Variants in IMMP2L observed in about 807,000 individuals in gnomAD.
IMMP2L encodes mitochondrial inner membrane protease subunit 2.
A neutral mutation model predicts 19.3 loss-of-function variants in IMMP2L; 18 were observed. That is an observed-to-expected ratio of 0.93 (90% CI 0.64 to 1.38). The LOEUF (loss-of-function observed/expected upper bound fraction) is 1.38, where lower values mean the gene tolerates loss of function less well. Among genes scored for constraint, IMMP2L ranks in the 40% most tolerant of loss-of-function variants. The probability of loss-of-function intolerance (pLI) is 0.00; values close to 1 mark genes in which losing one functional copy is unlikely to be tolerated. For synonymous variants in IMMP2L, 76 were observed against 73.0 expected (o/e 1.04, Z -0.21); for missense variants, 233 against 218.2 (o/e 1.07, Z -0.43).
intron 5 of IMMP2L, among the ~76,000 whole-genome samples, chr7:110,704,621 TTGTC>T (rs1300752778): frequency 6.6e-6 from 1 of 152,238 alleles, no homozygotes; most frequent in Non-Finnish European, 1.5e-5. Flanking sequence ...ACTGTTAACT[TTGTC>T]TGACCCAGTT....
intron 5 of IMMP2L, among the ~76,000 whole-genome samples, chr7:110,832,535 T>C (rs186877937): frequency 5.3e-5 from 8 of 152,210 alleles, no homozygotes; most frequent in Non-Finnish European, 1.0e-4. Flanking sequence ...CTTCCTAGCT[T>C]TTCTGTAGCT....
At chr7:111,136,125 T>C (rs1802312601) in intron 3 of IMMP2L, among the ~76,000 whole-genome samples, 1 of 151,728 alleles carries the variant, frequency 6.6e-6, no homozygotes, top group Non-Finnish European at 1.5e-5. Context: ...GCCTCCTGGG[T>C]TCATGCAATT....
chr7:111,412,359 T>C (rs554932197), intron 3 of IMMP2L, among the ~76,000 whole-genome samples: 1 of 151,668 alleles, frequency 6.6e-6, no homozygotes, highest in Non-Finnish European at 1.5e-5. Context: ...AGAATACACA[T>C]AATTTGCTAA....
chr7:111,018,286 G>C (rs192075426), intron 3 of IMMP2L, among the ~76,000 whole-genome samples: 14 of 152,154 alleles, frequency 9.2e-5, no homozygotes, highest in African/African-American at 3.4e-4. Context: ...ATAGAACTCA[G>C]TATTAATGGG....
At chr7:111,555,962 T>C (rs1240575573) in intron 1 of IMMP2L, among the ~76,000 whole-genome samples, 1 of 144,914 alleles carries the variant, frequency 6.9e-6, no homozygotes, top group East Asian at 2.1e-4. Context: ...AAATTAAAAA[T>C]AGAACTACCA....
chr7:110,871,461 A>G (rs184583883), intron 5 of IMMP2L, among the ~76,000 whole-genome samples: 2 of 152,280 alleles, frequency 1.3e-5, no homozygotes, highest in African/African-American at 4.8e-5. Flanking sequence ...ATTTGGGTTC[A>G]AGGAAGCTAA....
intron 3 of IMMP2L, among the ~76,000 whole-genome samples, chr7:111,218,999 A>T (rs1812245544): frequency 6.6e-6 from 1 of 152,072 alleles, no homozygotes; most frequent in Non-Finnish European, 1.5e-5. Context: ...ATCAAAATTC[A>T]TCTATGTTGA....
chr7:110,896,250 A>T (rs981372435), intron 4 of IMMP2L, among the ~76,000 whole-genome samples: 1 of 152,162 alleles, frequency 6.6e-6, no homozygotes, highest in Non-Finnish European at 1.5e-5. Context: ...AGAAAAGATA[A>T]CTCCACACTG....
At chr7:111,059,433 T>G (rs1485828186) in intron 3 of IMMP2L, among the ~76,000 whole-genome samples, 1 of 152,162 alleles carries the variant, frequency 6.6e-6, no homozygotes, top group African/African-American at 2.4e-5. Context: ...CTTTTCTGAT[T>G]GTTCTAGGGA....
At chr7:111,010,362 T>C (rs1824809518) in intron 3 of IMMP2L, among the ~76,000 whole-genome samples, 1 of 152,144 alleles carries the variant, frequency 6.6e-6, no homozygotes, top group East Asian at 1.9e-4. Context: ...ATTATTTTCA[T>C]GGAGATAGAT....
chr7:110,821,672 G>T (rs1803042619), intron 5 of IMMP2L, among the ~76,000 whole-genome samples: 2 of 152,032 alleles, frequency 1.3e-5, no homozygotes, highest in African/African-American at 4.8e-5. Flanking sequence ...CAGCACTTTG[G>T]GAGGCCGAGG....
intron 4 of IMMP2L, among the ~76,000 whole-genome samples, chr7:110,926,761 T>C (rs548257475): frequency 6.6e-6 from 1 of 152,290 alleles, no homozygotes; most frequent in South Asian, 2.1e-4. Flanking sequence ...AACATCTCTA[T>C]GAATTTTATC....
At chr7:111,217,126 T>TCACACACACACACA (rs1315821493) in intron 3 of IMMP2L, among the ~76,000 whole-genome samples, 11 of 124,068 alleles carry the variant, frequency 8.9e-5, no homozygotes, top group African/African-American at 3.5e-4. Context: ...TCTCTCTCTC[T>TCACACACACACACA]CACACACACA....
intron 5 of IMMP2L, among the ~76,000 whole-genome samples, chr7:110,777,963 G>A (rs1346697475): frequency 6.6e-6 from 1 of 151,938 alleles, no homozygotes; most frequent in Non-Finnish European, 1.5e-5. Flanking sequence ...ATGGACAGCA[G>A]TGAATTCCTT....
chr7:111,516,039 G>A (rs1288750177), intron 2 of IMMP2L, among the ~76,000 whole-genome samples: 3 of 152,120 alleles, frequency 2.0e-5, no homozygotes, highest in African/African-American at 7.2e-5. Flanking sequence ...TCAAGCCAGA[G>A]TTCCAAAATT....
intron 3 of IMMP2L, among the ~76,000 whole-genome samples, chr7:111,029,757 G>C (rs1325982081): frequency 6.6e-6 from 1 of 152,112 alleles, no homozygotes; most frequent in East Asian, 1.9e-4. Flanking sequence ...TTCCATACCA[G>C]CTATAATTTC....
chr7:111,477,090 C>T (rs1386404747), intron 3 of IMMP2L, among the ~76,000 whole-genome samples: 1 of 152,132 alleles, frequency 6.6e-6, no homozygotes, highest in African/African-American at 2.4e-5. Context: ...ATTGATGCAT[C>T]CTTAAGGAAA....
chr7:110,775,397 T>A (rs1017930478), intron 5 of IMMP2L, among the ~76,000 whole-genome samples: 21 of 151,954 alleles, frequency 1.4e-4, no homozygotes, highest in African/African-American at 4.8e-4. Context: ...ACAGAAAAAT[T>A]CTATTTAAAT....
At chr7:110,790,281 T>C (rs1800376030) in intron 5 of IMMP2L, among the ~76,000 whole-genome samples, 1 of 151,568 alleles carries the variant, frequency 6.6e-6, no homozygotes, top group Admixed American at 6.6e-5. Flanking sequence ...GTCACAGAGG[T>C]AGCCAAAGGT....
Sources: allele counts gnomAD v4.1 joint callset (sites outside exome capture counted in the v4.1 genomes callset), GRCh38; gene constraint gnomAD v4.1.1; transcripts MANE v1.5; gene names NCBI Gene and HGNC (gene_info 2026-07-23, HGNC 2026-07-21).